Variants in SLC4A1AP observed in about 807,000 individuals in gnomAD.
The protein encoded by SLC4A1AP is kanadaptin.
A neutral mutation model predicts 89.7 loss-of-function variants in SLC4A1AP; 64 were observed. The ratio of observed to expected loss-of-function variants is 0.71; its 90% CI spans 0.58 to 0.88. The LOEUF is 0.88. Ranked by LOEUF, SLC4A1AP falls within the 40% of genes least tolerant of loss-of-function variation. The pLI, the probability that SLC4A1AP is intolerant of heterozygous loss-of-function variation, is 0.00. For synonymous variants in SLC4A1AP, 366 were observed against 353.3 expected (o/e 1.04, Z -0.40); for missense variants, 931 against 965.0 (o/e 0.96, Z 0.47).
chr2:27,689,299 T>C (rs1484094343), intron 12 of SLC4A1AP, among the ~76,000 whole-genome samples: 1 of 152,166 alleles, frequency 6.6e-6, no homozygotes, highest in Non-Finnish European at 1.5e-5. Context: ...TTTGTGTGGA[T>C]ATAGTAAGCT....
At chr2:27,667,821 A>G (rs1158923428) in intron 3 of SLC4A1AP, among the ~76,000 whole-genome samples, 1 of 151,544 alleles carries the variant, frequency 6.6e-6, no homozygotes, top group South Asian at 2.1e-4. Flanking sequence ...TTTGGTAGGA[A>G]TACTTTGAGA....
chr2:27,686,532 A>G (rs956674115), intron 10 of SLC4A1AP, among the ~76,000 whole-genome samples: 2 of 152,196 alleles, frequency 1.3e-5, no homozygotes, highest in African/African-American at 4.8e-5. Flanking sequence ...TGGGAGGCCG[A>G]GGCGGATGGA....
At chr2:27,667,561 C>T (rs373283800) in intron 3 of SLC4A1AP, among the ~76,000 whole-genome samples, 171 bp downstream of exon 3, 4 of 152,012 alleles carry the variant, frequency 2.6e-5, no homozygotes, top group East Asian at 3.8e-4. Flanking sequence ...AAAATTATTC[C>T]TCATTAGTAT....
At chr2:27,693,242 T>C (rs1675817943) in intron 12 of SLC4A1AP, 1 of 152,914 alleles carries the variant, frequency 6.5e-6, no homozygotes, top group Admixed American at 6.5e-5. Context: ...TGTGATTTTT[T>C]TTTTTTTTTT....
At chr2:27,688,221 C>T (rs1006748921) in intron 11 of SLC4A1AP, among the ~76,000 whole-genome samples, 10 of 152,162 alleles carry the variant, frequency 6.6e-5, no homozygotes, top group Non-Finnish European at 1.3e-4. Flanking sequence ...TACTCCTCTT[C>T]CACCTTCTGG....
chr2:27,681,687 T>C (rs1047585858), intron 8 of SLC4A1AP, among the ~76,000 whole-genome samples: 1 of 152,206 alleles, frequency 6.6e-6, no homozygotes, highest in South Asian at 2.1e-4. Flanking sequence ...AGCTTTGTCC[T>C]AATGGGCTTA....
chr2:27,689,958 C>CT (rs1358209869), intron 12 of SLC4A1AP, among the ~76,000 whole-genome samples: 5 of 152,144 alleles, frequency 3.3e-5, no homozygotes, highest in Admixed American at 6.5e-5. Context: ...TTAACTGCCC[C>CT]TTTTAAAGAG....
intron 9 of SLC4A1AP, among the ~76,000 whole-genome samples, chr2:27,683,241 G>A (rs1420865229): frequency 1.3e-5 from 2 of 152,178 alleles, no homozygotes; most frequent in East Asian, 1.9e-4. Flanking sequence ...TACAATATAT[G>A]TCTGTCTGTA....
rs754421125 is a variant in SLC4A1AP, at chr2:27,694,658, A to G, written c.2366A>G (p.His789Arg). ...GGTCAAAGTGGAGATGGCAGAACCC[A>G]TCTTAATGACAAGTATGGCTATTGA... is the stretch of plus-strand genomic sequence containing the variant. The change falls in exon 14 of 14, where the codon CAT becomes CGT. Residue 789 changes from histidine (H) to arginine (R), a missense_variant. By Grantham distance (29) the His-to-Arg change is conservative. Coordinates refer to ENST00000613058, the Ensembl canonical transcript of SLC4A1AP. The G allele has an allele frequency of 2.6e-5, 41 of 1,585,276 alleles. No individual in the cohort carries two copies. The East Asian group carries it at 8.5e-4, about 33-fold the overall frequency.
chr2:27,664,011 A>G, exon 1 of SLC4A1AP: 1 of 1,614,188 alleles, frequency 6.2e-7, no homozygotes, highest in Non-Finnish European at 8.5e-7. Context: ...AGCGGCGCGG[A>G]GTAAGGCCCC....
intron 12 of SLC4A1AP, among the ~76,000 whole-genome samples, chr2:27,690,210 A>C (rs1365191162): frequency 6.6e-6 from 1 of 152,200 alleles, no homozygotes; most frequent in Non-Finnish European, 1.5e-5. Context: ...TACATAGATG[A>C]ATCATATAGT....
At chr2:27,669,354 C>G in exon 5 of SLC4A1AP, 5 of 1,612,742 alleles carry the variant, frequency 3.1e-6, no homozygotes, top group Non-Finnish European at 4.2e-6. Flanking sequence ...TTGTCGGATT[C>G]TTGACACTTT....
chr2:27,667,469 A>G, intron 3 of SLC4A1AP, 79 bp downstream of exon 3: 1 of 1,293,500 alleles, frequency 7.7e-7, no homozygotes, highest in Non-Finnish European at 1.0e-6. Flanking sequence ...GTTGAGCTTT[A>G]TACTAAGATA....
intron 12 of SLC4A1AP, chr2:27,692,333 T>C (rs770781603): frequency 6.6e-6 from 1 of 152,248 alleles, no homozygotes; most frequent in Admixed American, 6.5e-5. Context: ...AGTTGGTTTC[T>C]AGTTTTATTC....
intron 5 of SLC4A1AP, among the ~76,000 whole-genome samples, chr2:27,671,175 C>G (rs1486902954): frequency 6.6e-6 from 1 of 152,058 alleles, no homozygotes; most frequent in African/African-American, 2.4e-5. Context: ...CCTGCCTTGG[C>G]CTCCCAAAGT....
chr2:27,694,003 A>C (rs1380957434), intron 13 of SLC4A1AP, among the ~76,000 whole-genome samples: 1 of 152,174 alleles, frequency 6.6e-6, no homozygotes, highest in Non-Finnish European at 1.5e-5. Context: ...AGTGTGAATG[A>C]TGTTGAGTTA....
At chr2:27,684,207 G>A (rs1359032821) in intron 9 of SLC4A1AP, among the ~76,000 whole-genome samples, 1 of 151,992 alleles carries the variant, frequency 6.6e-6, no homozygotes, top group Non-Finnish European at 1.5e-5. Flanking sequence ...TGGGTGGATT[G>A]CTTGAGCTCA....
At chr2:27,689,063 A>G (rs1675749952) in intron 12 of SLC4A1AP, among the ~76,000 whole-genome samples, 1 of 152,120 alleles carries the variant, frequency 6.6e-6, no homozygotes, top group Non-Finnish European at 1.5e-5. Context: ...TCCTTTTATT[A>G]CACAAAAGGT....
chr2:27,694,359 C>T (rs1675839670), intron 13 of SLC4A1AP, among the ~76,000 whole-genome samples: 1 of 152,130 alleles, frequency 6.6e-6, no homozygotes. Flanking sequence ...GAGATACTTA[C>T]TTCCTCATAT....
Sources: gnomAD v4.1 joint callset for allele counts (sites outside exome capture counted in the v4.1 genomes callset) on GRCh38, gnomAD v4.1.1 for gene constraint, MANE v1.5 for transcripts, NCBI Gene and HGNC (gene_info 2026-07-23, HGNC 2026-07-21) for gene names.